Variants in PDE11A observed in about 807,000 individuals in gnomAD.
PDE11A encodes dual 3',5'-cyclic-AMP and -GMP phosphodiesterase 11A.
PDE11A carries 100 observed loss-of-function variants against 100.5 expected under a neutral mutation model. The ratio of observed to expected loss-of-function variants is 1.00; its 90% CI spans 0.85 to 1.18. The LOEUF is 1.18. PDE11A is among the 50% of genes most tolerant of loss of function. The probability of loss-of-function intolerance (pLI) is 0.00; values close to 1 mark genes in which losing one functional copy is unlikely to be tolerated. For synonymous variants in PDE11A, 381 were observed against 420.8 expected (o/e 0.91, Z 1.16); for missense variants, 1,141 against 1,152.6 (o/e 0.99, Z 0.15).
chr2:177,853,631 C>T (rs1330508446), intron 5 of PDE11A, among the ~76,000 whole-genome samples: 4 of 82,492 alleles, frequency 4.8e-5, no homozygotes, highest in South Asian at 4.2e-4. Flanking sequence ...CCCAACAAGT[C>T]CTGCATATAT....
At chr2:177,731,245 A>G (rs1316766627) in intron 10 of PDE11A, among the ~76,000 whole-genome samples, 1 of 152,208 alleles carries the variant, frequency 6.6e-6, no homozygotes, top group East Asian at 1.9e-4. Context: ...TAGAGGCTTT[A>G]GAAATATTAG....
At chr2:178,049,337 G>C (rs1045488933) in intron 1 of PDE11A, among the ~76,000 whole-genome samples, 1 of 152,146 alleles carries the variant, frequency 6.6e-6, no homozygotes, top group African/African-American at 2.4e-5. Flanking sequence ...TAAGACCTAG[G>C]TTTTTGTCTT....
chr2:177,734,276 T>C (rs1239586361), intron 10 of PDE11A, among the ~76,000 whole-genome samples: 3 of 152,038 alleles, frequency 2.0e-5, no homozygotes, highest in Non-Finnish European at 2.9e-5. Flanking sequence ...TAACCCAGAA[T>C]CAACTCGAAT....
chr2:177,721,422 C>T lies in PDE11A; in HGVS notation c.2043+6236G>A, dbSNP rs1285505760. Among the ~76,000 whole-genome samples the T allele has an allele frequency of 2.6e-5, 4 of 151,950 alleles. No individual in the cohort carries two copies. In the South Asian group the frequency reaches 8.3e-4, roughly 32 times the overall value. On this transcript the variant is annotated intron_variant, in intron 12 of 19. Transcript: ENST00000286063. ...TGCTGTCTTATTTTGATAAAATGTACAAAAAGATATACAAATAATATAAGG... is the reference window on the plus strand; with the variant it reads ...TGCTGTCTTATTTTGATAAAATGTATAAAAAGATATACAAATAATATAAGG...
chr2:177,844,118 C>G (rs2083539301), intron 5 of PDE11A, among the ~76,000 whole-genome samples: 1 of 152,224 alleles, frequency 6.6e-6, no homozygotes, highest in East Asian at 1.9e-4. Flanking sequence ...ATTTACATCA[C>G]TGTCTTAGTC....
intron 10 of PDE11A, among the ~76,000 whole-genome samples, chr2:177,752,313 C>T (rs185335173): frequency 7.2e-5 from 11 of 152,256 alleles, no homozygotes; most frequent in East Asian, 5.8e-4. Flanking sequence ...TCAAAAAATA[C>T]GTAGGTTTCA....
chr2:177,822,638 T>G (rs535721599), intron 6 of PDE11A, among the ~76,000 whole-genome samples: 28 of 152,234 alleles, frequency 1.8e-4, no homozygotes, highest in African/African-American at 6.3e-4. Flanking sequence ...TATACATTCC[T>G]GGGATTTTTA....
chr2:177,850,001 C>G (rs911360497), intron 5 of PDE11A, among the ~76,000 whole-genome samples: 6 of 152,264 alleles, frequency 3.9e-5, no homozygotes, highest in African/African-American at 1.2e-4. Flanking sequence ...ATCAAGCTAC[C>G]ATTGACTTTC....
chr2:177,712,401 C>T (rs547071333), intron 12 of PDE11A, among the ~76,000 whole-genome samples: 5 of 146,860 alleles, frequency 3.4e-5, no homozygotes, highest in Non-Finnish European at 5.9e-5. Context: ...AATTGTTATA[C>T]AATGACATCC....
chr2:177,640,440 C>A (rs1362265861), intron 19 of PDE11A, among the ~76,000 whole-genome samples: 2 of 152,210 alleles, frequency 1.3e-5, no homozygotes, highest in Non-Finnish European at 2.9e-5. Context: ...CAAATGGTGG[C>A]AGGCCCTGAA....
At chr2:178,076,370 T>C (rs772419043), upstream of PDE11A, among the ~76,000 whole-genome samples, 5 of 152,348 alleles carry the variant, frequency 3.3e-5, no homozygotes, top group East Asian at 1.9e-4. Context: ...GTGCAAAACA[T>C]TGGGTGGCAG....
At chr2:177,749,016 G>T (rs1346034985) in intron 10 of PDE11A, among the ~76,000 whole-genome samples, 2 of 152,156 alleles carry the variant, frequency 1.3e-5, no homozygotes, top group Non-Finnish European at 2.9e-5. Flanking sequence ...TAGAAATTTT[G>T]TGCTTTAGAA....
At chr2:178,105,858 C>T (rs915017608) in intron 1 of PDE11A, 1 of 269,404 alleles carries the variant, frequency 3.7e-6, no homozygotes, top group Non-Finnish European at 6.8e-6. Context: ...GGTTTCTGTC[C>T]AAAAAAAAAA....
intron 19 of PDE11A, among the ~76,000 whole-genome samples, chr2:177,644,191 G>C (rs2080186553): frequency 6.6e-6 from 1 of 152,236 alleles, no homozygotes; most frequent in Non-Finnish European, 1.5e-5. Flanking sequence ...TCCACTGACA[G>C]CTTGCATTGT....
intron 5 of PDE11A, among the ~76,000 whole-genome samples, chr2:177,844,204 A>G (rs1014747981): frequency 6.6e-6 from 1 of 152,200 alleles, no homozygotes; most frequent in Non-Finnish European, 1.5e-5. Flanking sequence ...CACAGTTTTG[A>G]GACTAGGAAG....
chr2:178,040,523 TC>T (rs1310549487), intron 1 of PDE11A, among the ~76,000 whole-genome samples: 1 of 152,236 alleles, frequency 6.6e-6, no homozygotes, highest in Non-Finnish European at 1.5e-5. Flanking sequence ...TCTTGTCCTT[TC>T]CGATATGTTC....
intron 10 of PDE11A, among the ~76,000 whole-genome samples, chr2:177,750,598 TC>T (rs1488137850): frequency 2.0e-5 from 3 of 152,192 alleles, no homozygotes; most frequent in Admixed American, 1.3e-4. Context: ...AGACTGGTGT[TC>T]CCTAGTACAC....
At chr2:177,907,116 A>G (rs1363806658) in intron 2 of PDE11A, among the ~76,000 whole-genome samples, 3 of 151,928 alleles carry the variant, frequency 2.0e-5, no homozygotes. Context: ...TGTAATTCCA[A>G]TATTTACTGA....
intron 1 of PDE11A, among the ~76,000 whole-genome samples, chr2:178,023,315 CA>C (rs898332525): frequency 1.3e-5 from 2 of 152,054 alleles, no homozygotes; most frequent in African/African-American, 2.4e-5. Flanking sequence ...CAGCCAGCCC[CA>C]AAAAAACACA....
Sources: allele counts gnomAD v4.1 joint callset (sites outside exome capture counted in the v4.1 genomes callset), GRCh38; gene constraint gnomAD v4.1.1; transcripts MANE v1.5; gene names NCBI Gene and HGNC (gene_info 2026-07-23, HGNC 2026-07-21).